MICAL2: variants seen among roughly 807,000 people sequenced by gnomAD.
MICAL2 encodes the protein microtubule associated monooxygenase, calponin and LIM domain containing 2.
Under a neutral mutation model 127.3 loss-of-function variants are expected in MICAL2, and 77 were observed. That is an observed-to-expected ratio of 0.60 (90% CI 0.50 to 0.73). The LOEUF is 0.73. MICAL2 is among the 30% of genes least tolerant of loss of function. MICAL2 has a pLI of 0.00. For missense variants in MICAL2, 1,351 were observed against 1,434.4 expected (o/e 0.94, Z 0.94); for synonymous variants, 570 against 551.1 (o/e 1.03, Z -0.48).
intron 24 of MICAL2, among the ~76,000 whole-genome samples, chr11:12,258,162 T>C (rs1862584396): frequency 6.6e-6 from 1 of 152,172 alleles, no homozygotes; most frequent in Non-Finnish European, 1.5e-5. Flanking sequence ...AGAGCTCCCA[T>C]GCCCTCTCCG....
chr11:12,294,118 C>A (rs769772246), downstream of MICAL2: 10 of 1,614,050 alleles, frequency 6.2e-6, no homozygotes, highest in South Asian at 1.1e-4. Flanking sequence ...CAGTCCGCCC[C>A]CTGCTGCTCC....
intron 32 of MICAL2, among the ~76,000 whole-genome samples, chr11:12,333,958 A>G (rs1460966289): frequency 1.3e-5 from 2 of 152,184 alleles, no homozygotes; most frequent in South Asian, 2.1e-4. Flanking sequence ...TTCTGAGACA[A>G]TTGGTTTCCA....
chr11:12,210,022 T>C (rs1855249271), intron 6 of MICAL2, among the ~76,000 whole-genome samples: 1 of 152,202 alleles, frequency 6.6e-6, no homozygotes, highest in South Asian at 2.1e-4. Context: ...ATTTTTATAA[T>C]ACTATTAATG....
intron 34 of MICAL2, among the ~76,000 whole-genome samples, chr11:12,355,822 T>A (rs1939119453): frequency 6.6e-6 from 1 of 152,202 alleles, no homozygotes; most frequent in Non-Finnish European, 1.5e-5. Flanking sequence ...TGCAGACTGT[T>A]TCTTTATAGC....
intron 32 of MICAL2, among the ~76,000 whole-genome samples, chr11:12,342,061 G>A (rs934848321): frequency 3.9e-5 from 6 of 152,158 alleles, no homozygotes; most frequent in African/African-American, 7.2e-5. Flanking sequence ...CTTACATTTC[G>A]CACAGGAAAA....
At chr11:12,287,210 A>T (rs942836175) in exon 3 of MICAL2, 2 of 398,770 alleles carry the variant, frequency 5.0e-6, no homozygotes, top group African/African-American at 4.1e-5. Flanking sequence ...GCTGGGCAGA[A>T]GATCTCTGGT....
intron 3 of MICAL2, among the ~76,000 whole-genome samples, chr11:12,164,068 A>G (rs1308442268): frequency 6.6e-6 from 1 of 151,960 alleles, no homozygotes; most frequent in African/African-American, 2.4e-5. Context: ...AGAGGGATGG[A>G]ACGGAGGGCT....
chr11:12,148,591 A>G (rs928075878), intron 2 of MICAL2, among the ~76,000 whole-genome samples: 4 of 152,182 alleles, frequency 2.6e-5, no homozygotes, highest in Non-Finnish European at 5.9e-5. Context: ...TCTAGCCACT[A>G]CACACCCTGA....
At chr11:12,220,141 G>T (rs1590418267) in intron 8 of MICAL2, 60 bp from the exon 9 acceptor site, 1 of 1,597,120 alleles carries the variant, frequency 6.3e-7, no homozygotes, top group Non-Finnish European at 8.5e-7. Flanking sequence ...CCAAGAGGTG[G>T]GTATGAAGGC....
downstream of MICAL2, chr11:12,293,796 G>A (rs1352356088): frequency 1.2e-6 from 2 of 1,607,266 alleles, no homozygotes; most frequent in Admixed American, 1.7e-5. Flanking sequence ...GCCCCTCTTG[G>A]GGACATCGGA....
At chr11:12,248,389 TC>T (rs1299329501) in intron 21 of MICAL2, among the ~76,000 whole-genome samples, 1 of 152,068 alleles carries the variant, frequency 6.6e-6, no homozygotes, top group Non-Finnish European at 1.5e-5. Context: ...TGATCTCAGC[TC>T]CCTATCAGCC....
At chr11:12,236,281 G>T in intron 16 of MICAL2, 36 bp downstream of exon 16, 8 of 1,599,544 alleles carry the variant, frequency 5.0e-6, no homozygotes, top group Non-Finnish European at 6.9e-6. Flanking sequence ...ACAGAGGCTC[G>T]TTTCCTGACA....
intron 22 of MICAL2, chr11:12,252,817 GTCA>G (rs1861735035): frequency 6.6e-6 from 1 of 152,328 alleles, no homozygotes; most frequent in African/African-American, 2.4e-5. Flanking sequence ...TTTGATGGAA[GTCA>G]TCATTTCACC....
intron 3 of MICAL2, among the ~76,000 whole-genome samples, chr11:12,199,761 G>C (rs1056497727): frequency 7.2e-5 from 11 of 152,198 alleles, no homozygotes; most frequent in African/African-American, 2.7e-4. Flanking sequence ...CCTTGATAAA[G>C]AGCTGATTTT....
At chr11:12,194,809 T>C (rs908548796) in intron 3 of MICAL2, among the ~76,000 whole-genome samples, 1 of 152,172 alleles carries the variant, frequency 6.6e-6, no homozygotes, top group African/African-American at 2.4e-5. Flanking sequence ...CAGGGTCAGT[T>C]AGAAGAATGA....
intron 29 of MICAL2, among the ~76,000 whole-genome samples, chr11:12,304,464 C>G (rs1354610888): frequency 6.6e-6 from 1 of 152,092 alleles, no homozygotes; most frequent in Non-Finnish European, 1.5e-5. Context: ...AATCCCATCT[C>G]TACTAAAAAT....
At chr11:12,211,886 G>A (rs1855515510) in intron 6 of MICAL2, among the ~76,000 whole-genome samples, 1 of 152,156 alleles carries the variant, frequency 6.6e-6, no homozygotes. Flanking sequence ...TGGCAACCTG[G>A]GCAGGAAAAC....
At chr11:12,282,299 T>C (rs1256635336) in intron 2 of MICAL2, among the ~76,000 whole-genome samples, 1 of 152,042 alleles carries the variant, frequency 6.6e-6, no homozygotes, top group Non-Finnish European at 1.5e-5. Flanking sequence ...CTGAACTGAG[T>C]ACTCTCCTGT....
chr11:12,216,476 G>GGA, intron 8 of MICAL2, 157 bp downstream of exon 8: 2 of 633,094 alleles, frequency 3.2e-6, no homozygotes, highest in South Asian at 3.8e-5. Flanking sequence ...TGTTACATGA[G>GGA]TATTGGATAA....
Sources: allele counts gnomAD v4.1 joint callset (sites outside exome capture counted in the v4.1 genomes callset), GRCh38; gene constraint gnomAD v4.1.1; transcripts MANE v1.5; gene names NCBI Gene and HGNC (gene_info 2026-07-23, HGNC 2026-07-21).